The following NECTIN1 variants were observed in gnomAD, a reference collection of about 807,000 sequenced individuals.
The protein encoded by NECTIN1 is nectin cell adhesion molecule 1, also known as nectin-1.
NECTIN1 carries 23 observed loss-of-function variants against 48.0 expected under a neutral mutation model. That is an observed-to-expected ratio of 0.48 (90% CI 0.34 to 0.68). NECTIN1 has a LOEUF of 0.68. Among genes scored for constraint, NECTIN1 ranks in the 30% least tolerant of loss-of-function variants. The pLI is 0.01. For synonymous variants in NECTIN1, 270 were observed against 288.9 expected, an observed-to-expected ratio of 0.93 and a Z score of 0.66; for missense variants, 591 against 709.9, an observed-to-expected ratio of 0.83 and a Z score of 1.90.
chr11:119,677,096 A>T lies in NECTIN1; in HGVS notation c.851+6T>A. ...CAAGGTGACTGGTCAGCCCTGCAGC[A>T]CTTACGTGGTCCAGTGGTACTCAGT... is the stretch of plus-strand genomic sequence containing the variant. On this transcript the variant is annotated splice_donor_region_variant and intron_variant, in intron 4 of 5. Transcript: ENST00000264025. The surrounding 1 kb of genome is among the most constrained non-coding windows in gnomAD (Gnocchi z 5.4). The T allele has an allele frequency of 6.2e-7, 1 of 1,612,700 alleles. No homozygotes were observed. The highest frequency in any genetic ancestry group is 8.5e-7 in the Non-Finnish European group (1 of 1,178,762).
intron 1 of NECTIN1, among the ~76,000 whole-genome samples, chr11:119,688,017 G>T (rs1386669209): frequency 1.3e-5 from 2 of 152,138 alleles, no homozygotes; most frequent in African/African-American, 4.8e-5. Context: ...AGATTAAGAG[G>T]AACATGGCAG....
rs767162671 is a variant in NECTIN1, at chr11:119,665,149, G to A, written c.1152C>T (p.Thr384=). The change falls in exon 6 of 6, where the codon ACC becomes ACT. Residue 384 remains threonine, a synonymous_variant. Coordinates refer to ENST00000264025, the MANE Select transcript of NECTIN1 (RefSeq NM_002855.5). The surrounding 1 kb of genome is among the most constrained non-coding windows in gnomAD (Gnocchi z 5.1). ...IVVALRRRRH[T]FKGDYSTKKH... is the part of the protein sequence containing the mutation. The stretch of plus-strand genomic sequence containing the variant: ...TCTTGGTGCTGTAGTCACCCTTGAA[G>A]GTGTGCCGGCGCCGACGCAGGGCGA... 6.2e-7 allele frequency: 1 copy of A among 1,613,780 alleles called. No individual in the cohort carries two copies. The highest frequency in any genetic ancestry group is 8.5e-7 in the Non-Finnish European group (1 of 1,180,008).
At chr11:119,645,123 G>A (rs1864379246) in intron 5 of NECTIN1, among the ~76,000 whole-genome samples, 1 of 152,178 alleles carries the variant, frequency 6.6e-6, no homozygotes, top group Non-Finnish European at 1.5e-5. Context: ...TTTGCGGGGA[G>A]CCAGGAGCTC....
chr11:119,638,713 C>T (rs753695509), intron 7 of NECTIN1: 4 of 1,610,114 alleles, frequency 2.5e-6, no homozygotes, highest in Non-Finnish European at 3.4e-6. Flanking sequence ...ACCTTGTCCT[C>T]TGCTGCCTCA....
At chr11:119,726,220 G>A (rs1195463021) in intron 1 of NECTIN1, among the ~76,000 whole-genome samples, 1 of 152,200 alleles carries the variant, frequency 6.6e-6, no homozygotes, top group African/African-American at 2.4e-5. Context: ...CTAGAGAGAC[G>A]CTATAGCGGG....
chr11:119,678,184 C>T lies in NECTIN1; in HGVS notation c.430+231G>A, dbSNP rs1864993847. Among the ~76,000 whole-genome samples the T allele has an allele frequency of 6.6e-6, 1 of 152,204 alleles. No homozygotes were observed. The highest frequency in any genetic ancestry group is 2.4e-5 in the African/African-American group (1 of 41,472). ...TGCTGCCAGCACAGTGCCTTGTGGG[C>T]TTCAACCTGAAGAATCACGTTCCCC... On this transcript the variant is annotated intron_variant, in intron 2 of 5. Coordinates refer to ENST00000264025, the MANE Select transcript of NECTIN1 (RefSeq NM_002855.5). This position sits in a 1 kb window ranked among gnomAD's most constrained non-coding sequence, Gnocchi z 4.4.
chr11:119,662,048 G>A lies in NECTIN1; in HGVS notation c.*2699C>T, dbSNP rs1186694951. 2.0e-6 allele frequency: 2 copies of A among 985,276 alleles called. No homozygotes were observed. The highest frequency in any genetic ancestry group is 1.7e-5 in the African/African-American group (1 of 57,204). The allele number at this position is 985,276 out of a possible 1,614,324, so 61.0% of individuals were successfully genotyped here. A position where few individuals can be genotyped will look rare whatever the true frequency, so the allele number is the denominator to read the frequency against. ...ATATCAAAATCTGTAAGGAAACAGG[G>A]GCATGGGTGTGGGGTGGGGGGCAAG... On this transcript the variant is annotated 3_prime_UTR_variant, in exon 6 of 6. Transcript: ENST00000264025. The surrounding 1 kb of genome is among the most constrained non-coding windows in gnomAD (Gnocchi z 5.3).
chr11:119,720,705 G>C (rs1264503552), intron 1 of NECTIN1, among the ~76,000 whole-genome samples: 1 of 152,250 alleles, frequency 6.6e-6, no homozygotes, highest in African/African-American at 2.4e-5. Context: ...CAGGCTTGCA[G>C]GGGAGGGACG....
chr11:119,659,303 A>G (rs1485724624), downstream of NECTIN1: 1 of 152,238 alleles, frequency 6.6e-6, no homozygotes, highest in Admixed American at 6.5e-5. Context: ...TATCTCCTTA[A>G]CCATCTGCAA....
At chr11:119,648,358 ATGCTGGTGATGG>A (rs1864439782) in intron 5 of NECTIN1, among the ~76,000 whole-genome samples, 1 of 1,282 alleles carries the variant, frequency 7.8e-4, no homozygotes, top group Admixed American at 0.014. Context: ...GGTGGTGGTG[ATGCTGGTGATGG>A]TGGTGATGGT....
At chr11:119,726,907 TCTGGCTGG>T (rs965356330) in intron 1 of NECTIN1, among the ~76,000 whole-genome samples, 6 of 152,098 alleles carry the variant, frequency 3.9e-5, no homozygotes, top group Non-Finnish European at 7.4e-5. Flanking sequence ...CTTCTGTATC[TCTGGCTGG>T]CTTCCCAGGC....
chr11:119,714,032 G>A (rs923842282), intron 1 of NECTIN1: 7 of 329,694 alleles, frequency 2.1e-5, no homozygotes, highest in African/African-American at 8.9e-5. Flanking sequence ...CTTCTGAGTT[G>A]CTCTGAGGGT....
intron 1 of NECTIN1, chr11:119,710,092 T>C (rs1865612603): frequency 6.6e-6 from 1 of 151,926 alleles, no homozygotes; most frequent in East Asian, 1.9e-4. Flanking sequence ...TCCTCAAAGG[T>C]GGGGGCGTGG....
chr11:119,686,782 C>G (rs921625369), intron 1 of NECTIN1, among the ~76,000 whole-genome samples: 1 of 152,220 alleles, frequency 6.6e-6, no homozygotes, highest in African/African-American at 2.4e-5. Context: ...CGGAGCCCTC[C>G]TCTTCCCACC....
rs1051926137 is a variant in NECTIN1, at chr11:119,677,395, A to C, written c.733+160T>G. Among the ~76,000 whole-genome samples, 2 of 152,058 alleles carry C rather than the reference A, an allele frequency of 1.3e-5. No individual in the cohort carries two copies. Among genetic ancestry groups the C allele is most frequent in the African/African-American group, 4.8e-5 (2 of 41,392 alleles). Reference sequence around the variant, plus strand: ...CCGGGAGTGGAAACAGGAGGGCGACAGGGAAGGAGGAGAGAAAACGAGCAA... The same window carrying C: ...CCGGGAGTGGAAACAGGAGGGCGACCGGGAAGGAGGAGAGAAAACGAGCAA... On this transcript the variant is annotated intron_variant, in intron 3 of 5. Coordinates refer to ENST00000264025, the MANE Select transcript of NECTIN1 (RefSeq NM_002855.5). This position sits in a 1 kb window ranked among gnomAD's most constrained non-coding sequence, Gnocchi z 5.4.
intron 1 of NECTIN1, chr11:119,713,724 C>CA (rs1865698508): frequency 1.8e-5 from 7 of 399,500 alleles, no homozygotes; most frequent in South Asian, 3.6e-5. Context: ...ACCTGAGGGG[C>CA]AGTCATGTCC....
chr11:119,708,559 CAGGAT>C (rs1315501013), intron 1 of NECTIN1, among the ~76,000 whole-genome samples: 1 of 139,986 alleles, frequency 7.1e-6, no homozygotes, highest in African/African-American at 2.7e-5. Flanking sequence ...ACGAAATGTC[CAGGAT>C]AGGCAGATCC....
intron 1 of NECTIN1, among the ~76,000 whole-genome samples, chr11:119,719,251 G>A (rs1425345006): frequency 1.3e-5 from 2 of 152,218 alleles, no homozygotes; most frequent in Non-Finnish European, 2.9e-5. Flanking sequence ...CACCACTGAA[G>A]GGACAGGAAT....
At chr11:119,716,926 TAC>T (rs1865752579) in intron 1 of NECTIN1, among the ~76,000 whole-genome samples, 1 of 152,194 alleles carries the variant, frequency 6.6e-6, no homozygotes, top group South Asian at 2.1e-4. Context: ...ACCTTCCTCA[TAC>T]ACACACAGAG....
Sources: allele counts gnomAD v4.1 joint callset (sites outside exome capture counted in the v4.1 genomes callset), GRCh38; gene constraint gnomAD v4.1.1; non-coding constraint Gnocchi (gnomAD v3.1); transcripts MANE v1.5; gene names NCBI Gene and HGNC (gene_info 2026-07-23, HGNC 2026-07-21).